Variants in ULK4 observed in about 807,000 individuals in gnomAD.
ULK4 encodes the protein unc-51 like kinase 4.
Under a neutral mutation model 160.6 loss-of-function variants are expected in ULK4, and 133 were observed. That is an observed-to-expected ratio of 0.83 (90% CI 0.72 to 0.96). The LOEUF (loss-of-function observed/expected upper bound fraction) is 0.96. ULK4 is among the 40% of genes least tolerant of loss of function. ULK4 has a pLI of 0.00. For synonymous variants in ULK4, 534 were observed against 539.8 expected, an observed-to-expected ratio of 0.99 and a Z score of 0.15; for missense variants, 1,580 against 1,499.5, an observed-to-expected ratio of 1.05 and a Z score of -0.89.
intron 32 of ULK4, among the ~76,000 whole-genome samples, chr3:41,549,255 G>T (rs921374106): frequency 6.6e-6 from 1 of 150,572 alleles, no homozygotes; most frequent in Admixed American, 6.7e-5. Context: ...TATTAAAGAG[G>T]CTCAGTGAAA....
intron 30 of ULK4, among the ~76,000 whole-genome samples, chr3:41,632,253 T>C (rs1184173689): frequency 6.6e-6 from 1 of 152,198 alleles, no homozygotes; most frequent in Non-Finnish European, 1.5e-5. Context: ...AGAGGACCAC[T>C]AGATTGTACC....
At position 41,661,095 on chromosome 3, in the gene ULK4, C is replaced by T. The variant is rs542949262; in HGVS notation, c.3071+2512G>A. 4.3e-4 allele frequency among the ~76,000 whole-genome samples: 65 copies of T among 152,012 alleles called. 1 individual carries two copies. In the East Asian group the frequency reaches 7.5e-3, roughly 18 times the overall value. ...GAGTTTTTCTCTAGAACAAATCCTT[C>T]GAAGTAGAATTGAAGGTTGAAGGCT... On this transcript the variant is annotated intron_variant, in intron 30 of 36. Transcript: ENST00000301831.
At chr3:41,612,313 C>G (rs981739231) in intron 31 of ULK4, among the ~76,000 whole-genome samples, 2 of 152,146 alleles carry the variant, frequency 1.3e-5, no homozygotes, top group Admixed American at 6.5e-5. Flanking sequence ...CCTCTTCCCC[C>G]AAAGCCCTGT....
chr3:41,277,225 A>G (rs912796780), intron 35 of ULK4, among the ~76,000 whole-genome samples: 1 of 152,212 alleles, frequency 6.6e-6, no homozygotes, highest in Admixed American at 6.5e-5. Flanking sequence ...ATAACAAAAG[A>G]AGGAACCCTC....
chr3:41,553,656 T>C (rs1559388244), intron 32 of ULK4, among the ~76,000 whole-genome samples: 1 of 152,120 alleles, frequency 6.6e-6, no homozygotes, highest in Non-Finnish European at 1.5e-5. Context: ...TGTCAGTTAG[T>C]ACAGCCATTA....
chr3:41,932,118 G>A, intron 4 of ULK4, 112 bp from the exon 5 acceptor site: 2 of 873,782 alleles, frequency 2.3e-6, no homozygotes, highest in Non-Finnish European at 1.6e-6. Flanking sequence ...TTCTTTATCA[G>A]AACTCAGAAA....
chr3:41,696,428 C>T (rs144825459), intron 27 of ULK4, among the ~76,000 whole-genome samples: 1 of 152,332 alleles, frequency 6.6e-6, no homozygotes, highest in African/African-American at 2.4e-5. Flanking sequence ...CCAGTGGACA[C>T]GTGACCCACG....
At chr3:41,939,163 CTTTT>C (rs3044215) in intron 2 of ULK4, among the ~76,000 whole-genome samples, 103 of 146,136 alleles carry the variant, frequency 7.0e-4, no homozygotes, top group South Asian at 8.6e-4. Context: ...AATGATTACC[CTTTT>C]TTTTTTTTTT....
rs542709596 is a variant in ULK4, at chr3:41,479,353, T to C, written c.3227-16100A>G. Among the ~76,000 whole-genome samples, 6 of 152,282 alleles carry C rather than the reference T, an allele frequency of 3.9e-5. No individual in the cohort carries two copies. In the South Asian group the frequency reaches 1.2e-3, roughly 32 times the overall value. The stretch of plus-strand genomic sequence containing the variant: ...TTTTACAATGCCAGACTGAAGGAAT[T>C]ACAAAAAAAGTAAGGAATAGTCCCT... On this transcript the variant is annotated intron_variant, in intron 32 of 36. Coordinates refer to ENST00000301831, the MANE Select transcript of ULK4 (RefSeq NM_017886.4).
intron 32 of ULK4, among the ~76,000 whole-genome samples, chr3:41,565,086 T>A (rs1046678800): frequency 2.0e-5 from 3 of 152,200 alleles, no homozygotes; most frequent in Admixed American, 1.3e-4. Flanking sequence ...CTACGGGCAA[T>A]AGGCAATAAA....
chr3:41,416,988 C>T (rs955791451), intron 34 of ULK4, among the ~76,000 whole-genome samples: 1 of 152,062 alleles, frequency 6.6e-6, no homozygotes, highest in African/African-American at 2.4e-5. Flanking sequence ...GGAACATTAC[C>T]AAAAGGATGC....
chr3:41,458,671 A>G lies in ULK4; in HGVS notation c.3394-3076T>C, dbSNP rs543757436. Among the ~76,000 whole-genome samples, 4 of 152,338 alleles carry G rather than the reference A, an allele frequency of 2.6e-5. No individual in the cohort carries two copies. The South Asian group carries it at 6.2e-4, about 24-fold the overall frequency. ...CTACACAAATCTAGCACACAGAAGT[A>G]GGTAATCAACAGAGGTCTGCTAAAT... On this transcript the variant is annotated intron_variant, in intron 33 of 36. Coordinates refer to ENST00000301831, the MANE Select transcript of ULK4 (RefSeq NM_017886.4).
At chr3:41,393,451 A>T (rs1306642671) in intron 35 of ULK4, among the ~76,000 whole-genome samples, 1 of 152,034 alleles carries the variant, frequency 6.6e-6, no homozygotes, top group Non-Finnish European at 1.5e-5. Flanking sequence ...TTTGCTCAGG[A>T]TGTGCTTCTT....
intron 35 of ULK4, among the ~76,000 whole-genome samples, chr3:41,307,777 CTA>C: frequency 6.6e-6 from 1 of 152,252 alleles, no homozygotes; most frequent in East Asian, 1.9e-4. Context: ...TTACAGTGAG[CTA>C]TGATTGTACC....
chr3:41,448,456 A>G (rs140849639), intron 34 of ULK4, among the ~76,000 whole-genome samples: 1 of 152,350 alleles, frequency 6.6e-6, no homozygotes, highest in East Asian at 1.9e-4. Flanking sequence ...AGAAAGTGCT[A>G]GAAACATAAG....
chr3:41,340,180 G>A (rs1415249392), intron 35 of ULK4, among the ~76,000 whole-genome samples: 1 of 152,190 alleles, frequency 6.6e-6, no homozygotes, highest in Non-Finnish European at 1.5e-5. Context: ...ATGTTTGATT[G>A]GGTTTTTAAT....
intron 35 of ULK4, among the ~76,000 whole-genome samples, chr3:41,283,025 G>A (rs1210059096): frequency 6.6e-6 from 1 of 152,188 alleles, no homozygotes; most frequent in Non-Finnish European, 1.5e-5. Context: ...CATTTATGCA[G>A]CCAACAGACA....
intron 27 of ULK4, among the ~76,000 whole-genome samples, chr3:41,699,221 T>C (rs2036593321): frequency 6.6e-6 from 1 of 152,218 alleles, no homozygotes; most frequent in African/African-American, 2.4e-5. Flanking sequence ...AGCGTAGTGT[T>C]TCTGGGTTCC....
At position 41,348,206 on chromosome 3, in the gene ULK4, C is replaced by CAAAAAAAAA. The variant is rs1197234650; in HGVS notation, c.3678+49864_3678+49872dup. ...CCTAGGCAAAAAAGTAACTCTGTCT[C>CAAAAAAAAA]AAAAAAAAAAAAAAAAAAAAAAAAA... On this transcript the variant is annotated intron_variant, in intron 35 of 36. Coordinates refer to ENST00000301831, the MANE Select transcript of ULK4 (RefSeq NM_017886.4). Among the ~76,000 whole-genome samples the CAAAAAAAAA allele has an allele frequency of 6.5e-4, 15 of 22,966 alleles. 1 individual carries two copies. The highest frequency in any genetic ancestry group is 2.4e-3 in the African/African-American group (14 of 5,842). 15.1% of individuals were successfully genotyped at this position (22,966 alleles called of 152,430 possible).
Sources: gnomAD v4.1 joint callset for allele counts (sites outside exome capture counted in the v4.1 genomes callset) on GRCh38, gnomAD v4.1.1 for gene constraint, MANE v1.5 for transcripts, NCBI Gene and HGNC (gene_info 2026-07-23, HGNC 2026-07-21) for gene names.